PLCD4: variants seen among roughly 807,000 people sequenced by gnomAD.
The protein encoded by PLCD4 is 1-phosphatidylinositol 4,5-bisphosphate phosphodiesterase delta-4.
PLCD4 carries 63 observed loss-of-function variants against 90.2 expected under a neutral mutation model. That is an observed-to-expected ratio of 0.70 (90% CI 0.57 to 0.86). PLCD4 has a LOEUF of 0.86. Among genes scored for constraint, PLCD4 ranks in the 40% least tolerant of loss-of-function variants. The pLI, the probability that PLCD4 is intolerant of heterozygous loss-of-function variation, is 0.00. For missense variants in PLCD4, 830 were observed against 956.3 expected (o/e 0.87, Z 1.74); for synonymous variants, 294 against 356.5 (o/e 0.82, Z 1.97).
chr2:218,608,245 T>C (rs542923264), intron 1 of PLCD4, among the ~76,000 whole-genome samples, 175 bp downstream of exon 1: 7 of 152,278 alleles, frequency 4.6e-5, no homozygotes, highest in African/African-American at 1.4e-4. Flanking sequence ...TTATCCTCCT[T>C]TATCCTTACA....
Position 218,618,654 on chromosome 2 carries a change from C to T in PLCD4, c.257C>T (p.Pro86Leu). The T allele has an allele frequency of 6.2e-7, 1 of 1,614,058 alleles. No homozygotes were observed. The change falls in exon 4 of 16, where the codon CCC becomes CTC. Residue 86 changes from proline (P) to leucine (L), a missense_variant. Coordinates refer to ENST00000450993, the MANE Select transcript of PLCD4 (RefSeq NM_032726.4). ...ELLRSLAEEL[P>L]LEQGFTIVFH... ...CTGCGTAGCCTGGCAGAGGAGCTCC[C>T]CCTGGAGCAGGGCTTCACCATTGTC...
rs563198970 is a variant in PLCD4 at position 218,634,723 on chromosome 2, G to A, written c.1896+93G>A. ...TAGGCCTGACCGGAATGTAGAGGCCGGATAGCCTATTAACAGTGTCTAGTT... is the reference window on the plus strand; with the variant it reads ...TAGGCCTGACCGGAATGTAGAGGCCAGATAGCCTATTAACAGTGTCTAGTT... On this transcript the variant is annotated intron_variant, in intron 13 of 15. Coordinates refer to ENST00000450993, the MANE Select transcript of PLCD4 (RefSeq NM_032726.4). This position sits in a 1 kb window ranked among gnomAD's most constrained non-coding sequence, Gnocchi z 4.0. 33 of 1,395,590 alleles carry A rather than the reference G, an allele frequency of 2.4e-5. No individual in the cohort carries two copies. Among genetic ancestry groups the A allele is most frequent in the African/African-American group, 2.2e-4 (15 of 69,450 alleles). 86.5% of individuals were successfully genotyped at this position (1,395,590 alleles called of 1,614,324 possible).
chr2:218,633,769 C>T lies in PLCD4; in HGVS notation c.1606+8C>T. The T allele has an allele frequency of 6.2e-7, 1 of 1,613,554 alleles. No individual in the cohort carries two copies. Among genetic ancestry groups the T allele is most frequent in the East Asian group, 2.2e-5 (1 of 44,866 alleles). The stretch of plus-strand genomic sequence containing the variant: ...GCCTCATCAAGGAGGCTGGTCAGGA[C>T]CAAAATGGAGGGATGGGGAGGGAAG... On this transcript the variant is annotated splice_region_variant and intron_variant, in intron 11 of 15. Transcript: ENST00000450993.
chr2:218,617,200 G>T (rs1199193906), intron 3 of PLCD4, among the ~76,000 whole-genome samples: 1 of 142,604 alleles, frequency 7.0e-6, no homozygotes, highest in African/African-American at 2.5e-5. Context: ...TCCTGACCCC[G>T]TGATCCGCCT....
chr2:218,619,620 A>G (rs1695783306), intron 4 of PLCD4, among the ~76,000 whole-genome samples: 1 of 151,440 alleles, frequency 6.6e-6, no homozygotes, highest in South Asian at 2.1e-4. Context: ...TGAGACTCAC[A>G]TATTGCTTCA....
intron 3 of PLCD4, among the ~76,000 whole-genome samples, chr2:218,616,941 G>T (rs867450755): frequency 0.054 from 1,496 of 27,702 alleles, 4 homozygotes; most frequent in Middle Eastern, 0.091. Flanking sequence ...GAGAGAGAGA[G>T]AGAGAGAGAG....
At chr2:218,625,350 C>T in intron 6 of PLCD4, among the ~76,000 whole-genome samples, 1 of 151,988 alleles carries the variant, frequency 6.6e-6, no homozygotes, top group South Asian at 2.1e-4. Context: ...GTTACCTGTG[C>T]AGAATCCAGT....
At chr2:218,621,357 C>A in intron 4 of PLCD4, 113 bp from the exon 5 acceptor site, 1 of 1,264,554 alleles carries the variant, frequency 7.9e-7, no homozygotes, top group Admixed American at 1.9e-5. Context: ...GGATTGGCAC[C>A]GGGGAGAGAG....
intron 3 of PLCD4, 77 bp downstream of exon 3, chr2:218,616,139 G>C: frequency 1.3e-6 from 2 of 1,517,640 alleles, no homozygotes; most frequent in South Asian, 2.4e-5. Flanking sequence ...AGGGACCAAA[G>C]TCCTACGATA....
In PLCD4 at chr2:218,630,674, T is replaced by G. The variant is rs1370787998; in HGVS notation, c.1144T>G (p.Ser382Ala). The G allele has an allele frequency of 6.2e-7, 1 of 1,614,026 alleles. No homozygotes were observed. Among genetic ancestry groups the G allele is most frequent in the Admixed American group, 1.7e-5 (1 of 60,020 alleles). ...FQTSDYPVIL[S>A]LETHCSWEQQ... Reference sequence around the variant, plus strand: ...GACATCAGACTACCCAGTCATCTTGTCCCTGGAGACCCACTGCAGCTGGGA... The same window carrying G: ...GACATCAGACTACCCAGTCATCTTGGCCCTGGAGACCCACTGCAGCTGGGA... The change falls in exon 9 of 16, where the codon TCC becomes GCC. Residue 382 changes from serine to alanine, a missense_variant. Physicochemically the swap from Ser to Ala is moderately conservative, Grantham distance 99. Transcript: ENST00000450993.
intron 4 of PLCD4, 93 bp from the exon 5 acceptor site, chr2:218,621,377 A>T: frequency 6.9e-7 from 1 of 1,444,500 alleles, no homozygotes; most frequent in South Asian, 1.2e-5. Flanking sequence ...GACTGGCAGG[A>T]AAGAGAGGGG....
In PLCD4 at chr2:218,618,728, G is replaced by A. The variant is rs1265622858; in HGVS notation, c.331G>A (p.Glu111Lys). The A allele has an allele frequency of 3.2e-5, 51 of 1,612,852 alleles. No individual in the cohort carries two copies. The highest frequency in any genetic ancestry group is 4.2e-5 in the Non-Finnish European group (50 of 1,179,516). ...NLDLMANSVE[E>K]AQIWMRGLQL... ...GGACCTGATGGCCAACAGTGTTGAG[G>A]AGGCCCAGATATGGATGCGAGGGCT... Residue 111 changes from glutamate to lysine, a missense_variant, in exon 4 of 16, where the codon GAG (glutamate) becomes AAG (lysine). Physicochemically the swap from Glu to Lys is moderately conservative, Grantham distance 56. Transcript: ENST00000450993.
intron 1 of PLCD4, among the ~76,000 whole-genome samples, chr2:218,609,012 G>A (rs1019271158): frequency 5.9e-5 from 9 of 151,738 alleles, no homozygotes; most frequent in African/African-American, 1.9e-4. Flanking sequence ...GTGGGTGGCG[G>A]GTGCCTGTAG....
intron 5 of PLCD4, chr2:218,622,408 T>C: frequency 5.8e-6 from 2 of 346,784 alleles, no homozygotes; most frequent in East Asian, 4.7e-5. Flanking sequence ...TATGGAAGCA[T>C]GTTTGGATCT....
chr2:218,608,893 C>A lies in PLCD4; in HGVS notation c.-34+823C>A, dbSNP rs565054644. On this transcript the variant is annotated intron_variant, in intron 1 of 15. Transcript: ENST00000450993. ...GTGGCTCACACCTGTAATCCCAGCA[C>A]TTTGGGAGGCCGAGGCGGGTGGATC... Among the ~76,000 whole-genome samples the A allele has an allele frequency of 7.2e-5, 11 of 152,076 alleles. No individual in the cohort carries two copies. In the South Asian group the frequency reaches 2.3e-3, roughly 32 times the overall value.
chr2:218,627,529 T>G (rs1301035883), intron 6 of PLCD4, among the ~76,000 whole-genome samples: 1 of 152,042 alleles, frequency 6.6e-6, no homozygotes, highest in African/African-American at 2.4e-5. Context: ...ACTTTTTTTT[T>G]TGAGACGGAG....
intron 4 of PLCD4, among the ~76,000 whole-genome samples, chr2:218,620,241 T>G (rs1695809586): frequency 1.3e-5 from 2 of 152,098 alleles, no homozygotes; most frequent in East Asian, 2.0e-4. Context: ...AGCTCACACC[T>G]GTAATTAATC....
chr2:218,636,375 G>A lies in PLCD4; in HGVS notation c.2165G>A (p.Trp722Ter). The part of the protein sequence containing the change: ...NDFIGQYTLP[W>*]TCMQQGYRHI... ...TTTATTGGTCAGTACACCCTGCCTT[G>A]GACCTGCATGCAACAAGGTGAGCCA... Residue 722 changes from tryptophan (W) to a stop codon, truncating the protein, a stop_gained, in exon 15 of 16, where the codon TGG becomes TAG. Coordinates refer to ENST00000450993, the MANE Select transcript of PLCD4 (RefSeq NM_032726.4). LOFTEE classifies it high-confidence loss of function. 1 of 1,614,026 alleles carries A rather than the reference G, an allele frequency of 6.2e-7. No homozygotes were observed. The highest frequency in any genetic ancestry group is 8.5e-7 in the Non-Finnish European group (1 of 1,179,894).
chr2:218,627,637 C>T (rs1386247209), intron 6 of PLCD4, among the ~76,000 whole-genome samples: 5 of 151,912 alleles, frequency 3.3e-5, no homozygotes, highest in East Asian at 3.9e-4. Context: ...CTCAGCCTCC[C>T]GAGTAGCTGG....
Sources: allele counts gnomAD v4.1 joint callset (sites outside exome capture counted in the v4.1 genomes callset), GRCh38; gene constraint gnomAD v4.1.1; non-coding constraint Gnocchi (gnomAD v3.1); transcripts MANE v1.5; gene names NCBI Gene and HGNC (gene_info 2026-07-23, HGNC 2026-07-21).